CRB2: variants seen among roughly 807,000 people sequenced by gnomAD.
The protein encoded by CRB2 is crumbs cell polarity complex component 2, also known as protein crumbs homolog 2.
Under a neutral mutation model 110.9 loss-of-function variants are expected in CRB2, and 85 were observed. The observed-to-expected ratio is 0.77, with a 90% CI of 0.64 to 0.92. The LOEUF (loss-of-function observed/expected upper bound fraction) is 0.92, where lower values mean the gene tolerates loss of function less well. CRB2 is among the 40% of genes least tolerant of loss of function. The probability of loss-of-function intolerance (pLI) is 0.00; values close to 1 mark genes in which losing one functional copy is unlikely to be tolerated. For synonymous variants in CRB2, 907 were observed against 831.0 expected (o/e 1.09, Z -1.57); for missense variants, 1,843 against 1,851.3 (o/e 1.00, Z 0.08).
At chr9:123,363,218 T>C in intron 2 of CRB2, 30 bp downstream of exon 2, 2 of 1,566,740 alleles carry the variant, frequency 1.3e-6, no homozygotes, top group Non-Finnish European at 1.7e-6. Context: ...TGGGAGGAGG[T>C]CTGTAATGCA....
intron 4 of CRB2, 99 bp from the exon 5 acceptor site, chr9:123,367,073 A>G (rs1187276357): frequency 7.7e-7 from 1 of 1,290,702 alleles, no homozygotes; most frequent in Non-Finnish European, 1.0e-6. Flanking sequence ...GCTTATTCCG[A>G]GCTGCGGTCC....
chr9:123,366,210 C>G lies in CRB2; in HGVS notation c.615-17C>G. On this transcript the variant is annotated splice_polypyrimidine_tract_variant and intron_variant, in intron 3 of 12. Transcript: ENST00000373631. ...GGGGCAGGCGCGCGCTCAGCTCCGC[C>G]GGTGCGCCCTCCCCAGGTTCCGGTG... 6 of 1,413,146 alleles carry G rather than the reference C, an allele frequency of 4.2e-6. No homozygotes were observed. Among genetic ancestry groups the G allele is most frequent in the Non-Finnish European group, 5.5e-6 (6 of 1,093,728 alleles). 87.5% of individuals were successfully genotyped at this position (1,413,146 alleles called of 1,614,324 possible).
At chr9:123,357,800 C>A (rs752894531) in intron 1 of CRB2, among the ~76,000 whole-genome samples, 1 of 152,220 alleles carries the variant, frequency 6.6e-6, no homozygotes, top group African/African-American at 2.4e-5. Context: ...GCTACAGACA[C>A]ATGTGGATCT....
chr9:123,376,690 G>C, intron 12 of CRB2, 148 bp from the exon 13 acceptor site: 1 of 721,926 alleles, frequency 1.4e-6, no homozygotes, highest in Non-Finnish European at 2.3e-6. Flanking sequence ...CATACCCCTG[G>C]GGCTGGGTCT....
Position 123,377,305 on chromosome 9 carries a change from G to A in CRB2, c.*243G>A, listed in dbSNP as rs1197422025. The A allele has an allele frequency of 2.9e-5, 15 of 525,982 alleles. No homozygotes were observed. In the East Asian group the frequency reaches 3.4e-4, roughly 12 times the overall value. 32.6% of individuals were successfully genotyped at this position (525,982 alleles called of 1,614,324 possible). On this transcript the variant is annotated 3_prime_UTR_variant, in exon 13 of 13. Transcript: ENST00000373631. ...CGGGGTTCCGCCTTGGCAGGTGTAC[G>A]GCTGTGCGTGGGAGGGCACACGTGG...
rs1564370883 is a variant in CRB2, at chr9:123,365,916, G to GGCGT, written c.420_423dup (p.Thr142ArgfsTer141). 1 of 1,591,794 alleles carries GGCGT rather than the reference G, an allele frequency of 6.3e-7. No homozygotes were observed. The highest frequency in any genetic ancestry group is 1.1e-5 in the South Asian group (1 of 90,456). ...CCCTGTGTGTCCCCTGCCCTGTCCA[G>GGCGT]GCGTGACCTGCGAGATGGAGGTGGA... On this transcript the variant is annotated frameshift_variant and splice_region_variant. Coordinates refer to ENST00000373631, the MANE Select transcript of CRB2 (RefSeq NM_173689.7). LOFTEE classifies it high-confidence loss of function.
intron 3 of CRB2, 40 bp downstream of exon 3, chr9:123,366,152 C>T: frequency 1.5e-6 from 2 of 1,379,234 alleles, no homozygotes; most frequent in East Asian, 6.1e-5. Flanking sequence ...GCGCCGGGTG[C>T]CCGAGGGCGG....
At chr9:123,375,779 AGCAGGCTCGGCCCGCTGT>A (rs1296574581) in intron 12 of CRB2, among the ~76,000 whole-genome samples, 1 of 151,666 alleles carries the variant, frequency 6.6e-6, no homozygotes, top group Non-Finnish European at 1.5e-5. Context: ...TCCGCACTGG[AGCAGGCTCGGCCCGCTGT>A]GCAGGCTGGC....
chr9:123,358,218 G>A (rs2041822078), intron 1 of CRB2, among the ~76,000 whole-genome samples: 1 of 152,218 alleles, frequency 6.6e-6, no homozygotes, highest in Non-Finnish European at 1.5e-5. Flanking sequence ...TGGGCCCCTG[G>A]CTTTTCTCCC....
intron 10 of CRB2, 92 bp downstream of exon 10, chr9:123,374,012 C>A: frequency 1.4e-6 from 2 of 1,467,092 alleles, no homozygotes; most frequent in South Asian, 1.2e-5. Context: ...TGAGTCGCTT[C>A]CCTTCCCTGG....
In CRB2 at chr9:123,373,370, C is replaced by A. The variant is rs901060065; in HGVS notation, c.2839C>A (p.Pro947Thr). ...HGLPGAVLPI[P>T]GPRVADGAWH... ...CCTGCCCGGCGCTGTGCTGCCCATA[C>A]CGGGGCCGCGCGTGGCCGATGGTGC... The change falls in exon 10 of 13, where the codon CCG becomes ACG. Residue 947 changes from proline (P) to threonine (T), a missense_variant. By Grantham distance (38) the Pro-to-Thr change is conservative. Coordinates refer to ENST00000373631, the MANE Select transcript of CRB2 (RefSeq NM_173689.7). 2.8e-6 allele frequency: 4 copies of A among 1,433,182 alleles called. No individual in the cohort carries two copies. The African/African-American group carries it at 6.0e-5, about 22-fold the overall frequency. The allele number at this position is 1,433,182 out of a possible 1,614,324, so 88.8% of individuals were successfully genotyped here. A position where few individuals can be genotyped will look rare whatever the true frequency, so the allele number is the denominator to read the frequency against.
chr9:123,368,527 C>A (rs1048038216), intron 6 of CRB2, among the ~76,000 whole-genome samples: 1 of 152,242 alleles, frequency 6.6e-6, no homozygotes, highest in Non-Finnish European at 1.5e-5. Context: ...TTTTTCCTTG[C>A]CACAGCCCCA....
Position 123,377,041 on chromosome 9 carries a change from A to G in CRB2, c.3837A>G (p.Pro1279=), listed in dbSNP as rs752532866. 1.0e-5 allele frequency: 16 copies of G among 1,589,824 alleles called. No homozygotes were observed. Among genetic ancestry groups the G allele is most frequent in the Non-Finnish European group, 1.4e-5 (16 of 1,167,172 alleles). The part of the protein sequence containing the change: ...RLEMDSVLKV[P]PEERLI ...AGATGGACAGTGTCCTCAAGGTGCC[A>G]CCGGAGGAGAGACTCATCTAGGCCA... is the stretch of plus-strand genomic sequence containing the variant. Residue 1279 remains proline, a synonymous_variant, in exon 13 of 13, where the codon CCA becomes CCG. Coordinates refer to ENST00000373631, the MANE Select transcript of CRB2 (RefSeq NM_173689.7).
intron 1 of CRB2, among the ~76,000 whole-genome samples, chr9:123,357,485 C>T (rs1207793528): frequency 6.6e-6 from 1 of 152,116 alleles, no homozygotes; most frequent in African/African-American, 2.4e-5. Flanking sequence ...GCTTTCATTT[C>T]CTATCCTCTC....
At chr9:123,356,030 C>T, upstream of CRB2, 1 of 403,546 alleles carries the variant, frequency 2.5e-6, no homozygotes, top group Admixed American at 4.2e-5. Context: ...ACCAGGTCAG[C>T]CCCACAGGCT....
Position 123,367,598 on chromosome 9 carries a change from C to T in CRB2, c.966C>T (p.Asp322=), listed in dbSNP as rs753016438. The T allele has an allele frequency of 4.3e-5, 67 of 1,562,206 alleles. No individual in the cohort carries two copies. Among genetic ancestry groups the T allele is most frequent in the Middle Eastern group, 1.8e-4 (1 of 5,564 alleles). The part of the protein sequence containing the change: ...FEGADCGVEV[D]ECASRPCLNG... ...GAGCCGACTGCGGTGTGGAGGTGGA[C>T]GAGTGTGCCTCACGGCCATGCCTCA... The change falls in exon 6 of 13, where the codon GAC becomes GAT. Residue 322 remains aspartate (D), a synonymous_variant. Coordinates refer to ENST00000373631, the MANE Select transcript of CRB2 (RefSeq NM_173689.7).
chr9:123,356,193 G>C (rs891572678), upstream of CRB2: 46 of 1,106,002 alleles, frequency 4.2e-5, no homozygotes, highest in Admixed American at 6.0e-5. Context: ...GGGACGAGGG[G>C]GGTGCGGAGC....
In CRB2 at chr9:123,375,046, C is replaced by T. The variant is rs574593596; in HGVS notation, c.3507-171C>T. Among the ~76,000 whole-genome samples, 35 of 152,338 alleles carry T rather than the reference C, an allele frequency of 2.3e-4. No homozygotes were observed. In the East Asian group the frequency reaches 3.5e-3, roughly 15 times the overall value. On this transcript the variant is annotated intron_variant, in intron 11 of 12. Transcript: ENST00000373631. Reference sequence around the variant, plus strand: ...ATGGGATGAGAGTCCTTCTCAGTGACGGCTGCTCAGGTGGTCACCTGGCAG... The same window carrying T: ...ATGGGATGAGAGTCCTTCTCAGTGATGGCTGCTCAGGTGGTCACCTGGCAG...
intron 4 of CRB2, among the ~76,000 whole-genome samples, chr9:123,366,623 C>T (rs1329230532): frequency 2.6e-5 from 4 of 152,194 alleles, no homozygotes; most frequent in African/African-American, 9.7e-5. Context: ...GAGGGCCTGA[C>T]AGCTGCAAAG....
Sources: gnomAD v4.1 joint callset for allele counts (sites outside exome capture counted in the v4.1 genomes callset) on GRCh38, gnomAD v4.1.1 for gene constraint, MANE v1.5 for transcripts, NCBI Gene and HGNC (gene_info 2026-07-23, HGNC 2026-07-21) for gene names.